ABHD18: variants seen among roughly 807,000 people sequenced by gnomAD.
ABHD18 encodes the protein abhydrolase domain containing 18, also known as cardiolipin-specific deacylase, mitochondrial.
ABHD18 carries 55 observed loss-of-function variants against 65.9 expected under a neutral mutation model. That is an observed-to-expected ratio of 0.84 (90% CI 0.67 to 1.05). The LOEUF is 1.05. Among genes scored for constraint, ABHD18 ranks in the 50% least tolerant of loss-of-function variants. The pLI is 0.00. For synonymous variants in ABHD18, 181 were observed against 180.2 expected, an observed-to-expected ratio of 1.00 and a Z score of -0.04; for missense variants, 533 against 558.5, an observed-to-expected ratio of 0.95 and a Z score of 0.46.
intron 1 of ABHD18, among the ~76,000 whole-genome samples, chr4:127,981,195 G>A (rs1017613281): frequency 6.6e-6 from 1 of 152,140 alleles, no homozygotes; most frequent in African/African-American, 2.4e-5. Context: ...TTGACCATAG[G>A]TTTGTCAGGG....
intron 3 of ABHD18, among the ~76,000 whole-genome samples, chr4:127,987,188 C>T (rs1172515679): frequency 1.3e-5 from 2 of 151,732 alleles, no homozygotes; most frequent in Non-Finnish European, 2.9e-5. Flanking sequence ...CTCGTCTCTA[C>T]TAAAAATACA....
chr4:128,030,866 G>A (rs1295025287), intron 12 of ABHD18, 194 bp downstream of exon 12: 2 of 1,344,898 alleles, frequency 1.5e-6, no homozygotes, highest in Non-Finnish European at 1.9e-6. Context: ...TTCTTCTAGA[G>A]AACTAAGCAT....
intron 10 of ABHD18, among the ~76,000 whole-genome samples, chr4:128,025,814 A>C (rs1757254892): frequency 6.6e-6 from 1 of 152,192 alleles, no homozygotes; most frequent in East Asian, 1.9e-4. Flanking sequence ...AAAATGGCGT[A>C]GTTTTAATTA....
intron 12 of ABHD18, among the ~76,000 whole-genome samples, chr4:128,032,893 G>T (rs192869912): frequency 6.6e-6 from 1 of 152,130 alleles, no homozygotes; most frequent in Non-Finnish European, 1.5e-5. Flanking sequence ...TTGGCACCAG[G>T]AAGTAAACAA....
rs1560958039 is a variant in ABHD18, at chr4:128,037,492, C to G, written c.*1679C>G. 1 of 151,926 alleles carries G rather than the reference C, an allele frequency of 6.6e-6. No homozygotes were observed. The highest frequency in any genetic ancestry group is 1.5e-5 in the Non-Finnish European group (1 of 68,014). The allele number at this position is 151,926 out of a possible 1,614,324, so 9.4% of individuals were successfully genotyped here. Reference sequence around the variant, plus strand: ...AGCTGAGATTACAGGTGCCCGCCACCATGCCTGGCTAATTTTTGTATTTTT... The same window carrying G: ...AGCTGAGATTACAGGTGCCCGCCACGATGCCTGGCTAATTTTTGTATTTTT... On this transcript the variant is annotated 3_prime_UTR_variant, in exon 13 of 13. Coordinates refer to ENST00000645843, the MANE Select transcript of ABHD18 (RefSeq NM_001358451.3).
At chr4:128,034,895 G>A (rs1172952825) in intron 12 of ABHD18, among the ~76,000 whole-genome samples, 2 of 152,036 alleles carry the variant, frequency 1.3e-5, no homozygotes, top group Non-Finnish European at 2.9e-5. Flanking sequence ...CAGGTGATCC[G>A]CCTGCCTCGG....
At chr4:127,981,596 AC>A (rs1174635090) in intron 1 of ABHD18, among the ~76,000 whole-genome samples, 2 of 152,148 alleles carry the variant, frequency 1.3e-5, no homozygotes, top group Non-Finnish European at 2.9e-5. Flanking sequence ...GAACTTATTA[AC>A]CCACCCAGGG....
In ABHD18 at chr4:128,028,818, T is replaced by C; in HGVS notation, c.1145T>C (p.Val382Ala). 2 of 1,590,890 alleles carry C rather than the reference T, an allele frequency of 1.3e-6. No homozygotes were observed. Among genetic ancestry groups the C allele is most frequent in the Non-Finnish European group, 1.7e-6 (2 of 1,171,494 alleles). The change falls in exon 11 of 13, where the codon GTC (valine) becomes GCC (alanine). Residue 382 changes from valine to alanine, a missense_variant. Val to Ala is a moderately conservative substitution (Grantham distance 64). Transcript: ENST00000645843. ...RKESLIFMKG[V>A]MDECTHVANF... Reference sequence around the variant, plus strand: ...GAGTCTTTAATATTTATGAAAGGAGTCATGGATGAATGTACTCATGTAGCA... The same window carrying C: ...GAGTCTTTAATATTTATGAAAGGAGCCATGGATGAATGTACTCATGTAGCA...
At chr4:127,992,310 A>G (rs910878677) in intron 4 of ABHD18, among the ~76,000 whole-genome samples, 2 of 152,022 alleles carry the variant, frequency 1.3e-5, no homozygotes, top group Non-Finnish European at 2.9e-5. Flanking sequence ...CGTCTCTACT[A>G]AAAATACAAA....
At chr4:127,987,573 A>T (rs1303931745) in intron 3 of ABHD18, among the ~76,000 whole-genome samples, 1 of 150,870 alleles carries the variant, frequency 6.6e-6, no homozygotes, top group Non-Finnish European at 1.5e-5. Flanking sequence ...TTGGCCAGGC[A>T]TGGTGGCACA....
chr4:128,008,242 A>G (rs1371666564), intron 4 of ABHD18, among the ~76,000 whole-genome samples: 1 of 147,502 alleles, frequency 6.8e-6, no homozygotes, highest in African/African-American at 2.5e-5. Flanking sequence ...AGCCTGGGCA[A>G]CAGAGTGAGA....
chr4:127,966,724 A>T (rs113084183), intron 1 of ABHD18, among the ~76,000 whole-genome samples: 9 of 142,044 alleles, frequency 6.3e-5, no homozygotes, highest in African/African-American at 1.9e-4. Flanking sequence ...AAAAAAAAAA[A>T]AAAAAAAAAA....
chr4:128,028,334 T>C, intron 10 of ABHD18, 141 bp from the exon 11 acceptor site: 1 of 615,604 alleles, frequency 1.6e-6, no homozygotes, highest in South Asian at 3.1e-5. Context: ...GACTGCATAA[T>C]GTTTAATTGT....
intron 7 of ABHD18, among the ~76,000 whole-genome samples, chr4:128,016,500 C>T (rs1168012218): frequency 2.0e-5 from 3 of 152,044 alleles, no homozygotes; most frequent in East Asian, 3.9e-4. Context: ...TAAGACTGGG[C>T]GTGGTGGCTC....
chr4:128,029,748 C>A (rs1417485018), intron 11 of ABHD18, among the ~76,000 whole-genome samples: 1 of 152,052 alleles, frequency 6.6e-6, no homozygotes, highest in Admixed American at 6.6e-5. Context: ...TCATTTGAAC[C>A]CGGGAGGTGG....
At chr4:127,979,977 C>G (rs1748716541) in intron 1 of ABHD18, among the ~76,000 whole-genome samples, 1 of 151,120 alleles carries the variant, frequency 6.6e-6, no homozygotes, top group South Asian at 2.1e-4. Context: ...AGAAGTTTCT[C>G]CACTTTATAA....
At chr4:127,984,499 G>T (rs1749622083) in intron 3 of ABHD18, 76 bp downstream of exon 3, 3 of 759,780 alleles carry the variant, frequency 3.9e-6, no homozygotes, top group Non-Finnish European at 4.2e-6. Flanking sequence ...TTACATATTG[G>T]AGTATAACAA....
At chr4:127,996,705 C>T (rs1383231390) in intron 4 of ABHD18, among the ~76,000 whole-genome samples, 3 of 152,170 alleles carry the variant, frequency 2.0e-5, no homozygotes, top group African/African-American at 7.2e-5. Context: ...CAGTCCTTAT[C>T]TCAACTGCAT....
chr4:127,966,418 A>T (rs946565722), intron 1 of ABHD18, among the ~76,000 whole-genome samples: 7 of 152,162 alleles, frequency 4.6e-5, no homozygotes, highest in Non-Finnish European at 8.8e-5. Context: ...TAATTTTTTT[A>T]AATTAATATT....
Sources: allele counts gnomAD v4.1 joint callset (sites outside exome capture counted in the v4.1 genomes callset), GRCh38; gene constraint gnomAD v4.1.1; transcripts MANE v1.5; gene names NCBI Gene and HGNC (gene_info 2026-07-23, HGNC 2026-07-21).